Variants in DCAF8 observed in about 807,000 individuals in gnomAD.
DCAF8 encodes DDB1 and CUL4 associated factor 8, also known as DDB1- and CUL4-associated factor 8.
A neutral mutation model predicts 68.0 loss-of-function variants in DCAF8; 20 were observed. The observed-to-expected ratio is 0.29, with a 90% CI of 0.21 to 0.43. DCAF8 has a LOEUF of 0.43. Ranked by LOEUF, DCAF8 falls within the 20% of genes least tolerant of loss-of-function variation. The pLI is 1.00. For missense variants in DCAF8, 460 were observed against 771.0 expected, an observed-to-expected ratio of 0.60 and a Z score of 4.78; for synonymous variants, 230 against 276.9, an observed-to-expected ratio of 0.83 and a Z score of 1.68.
At chr1:160,262,068 G>A (rs1657117103) in intron 1 of DCAF8, 1 of 341,678 alleles carries the variant, frequency 2.9e-6, no homozygotes, top group Non-Finnish European at 5.3e-6. Flanking sequence ...GAAGCAAGGC[G>A]TCCCTGTGAA....
At chr1:160,228,610 CT>C (rs59684865) in intron 7 of DCAF8, among the ~76,000 whole-genome samples, 7,451 of 140,948 alleles carry the variant, frequency 0.053, 176 homozygotes, top group East Asian at 0.095. Context: ...CTCTACTTAC[CT>C]TTTTTTTTTT....
At chr1:160,250,846 CTTTA>C (rs911464924) in intron 2 of DCAF8, among the ~76,000 whole-genome samples, 1 of 152,076 alleles carries the variant, frequency 6.6e-6, no homozygotes, top group Non-Finnish European at 1.5e-5. Context: ...TGTTTATGCT[CTTTA>C]TTTTTTTTAA....
intron 2 of DCAF8, among the ~76,000 whole-genome samples, chr1:160,248,361 A>G (rs1656441911): frequency 6.6e-6 from 1 of 152,150 alleles, no homozygotes; most frequent in Non-Finnish European, 1.5e-5. Flanking sequence ...CAATGCAAAG[A>G]CAAGCTACAG....
At chr1:160,261,241 C>T (rs1571121318) in intron 2 of DCAF8, 44 bp downstream of exon 2, 1 of 152,354 alleles carries the variant, frequency 6.6e-6, no homozygotes, top group East Asian at 1.9e-4. Context: ...TCAGCGCAGT[C>T]TGTCTTGAAC....
chr1:160,254,204 C>A lies in DCAF8; in HGVS notation c.-27+7081G>T, dbSNP rs190275673. ...AGGTATGGTGGTGCATGCCTGTAAT[C>A]CCAGCTACTGGGGAGACTGAGGCAG... is the stretch of plus-strand genomic sequence containing the variant. On this transcript the variant is annotated intron_variant, in intron 2 of 13. Transcript: ENST00000368074. Among the ~76,000 whole-genome samples the A allele has an allele frequency of 2.2e-4, 33 of 152,144 alleles. No homozygotes were observed. In the East Asian group the frequency reaches 5.4e-3, roughly 25 times the overall value.
intron 2 of DCAF8, among the ~76,000 whole-genome samples, chr1:160,247,386 C>T (rs184428063): frequency 5.3e-5 from 8 of 152,236 alleles, no homozygotes; most frequent in African/African-American, 1.9e-4. Flanking sequence ...AATTTTTAAC[C>T]AATTACATGA....
intron 7 of DCAF8, among the ~76,000 whole-genome samples, chr1:160,227,986 C>G (rs766091594): frequency 1.3e-5 from 2 of 152,146 alleles, no homozygotes; most frequent in Non-Finnish European, 1.5e-5. Context: ...CCTCAAACTC[C>G]TGGGCTCAAG....
intron 9 of DCAF8, 24 bp downstream of exon 9, chr1:160,225,038 A>C (rs1396312538): frequency 1.9e-6 from 3 of 1,612,840 alleles, no homozygotes; most frequent in Admixed American, 1.7e-5. Context: ...ATGCCAGCCT[A>C]GGAGCTGGGC....
chr1:160,244,654 G>A (rs184311757), intron 2 of DCAF8, among the ~76,000 whole-genome samples: 4 of 148,544 alleles, frequency 2.7e-5, no homozygotes, highest in Admixed American at 1.3e-4. Context: ...GTCTCATTCT[G>A]TCGCCCAGGC....
At chr1:160,220,743 C>T (rs1655266384) in intron 11 of DCAF8, 1 of 152,216 alleles carries the variant, frequency 6.6e-6, no homozygotes, top group South Asian at 2.1e-4. Context: ...GTCAGGAGAT[C>T]TGGGCAAGGC....
chr1:160,245,954 C>A (rs2101752002), intron 2 of DCAF8, among the ~76,000 whole-genome samples: 1 of 152,192 alleles, frequency 6.6e-6, no homozygotes, highest in South Asian at 2.1e-4. Context: ...GCCTGAGCAA[C>A]ATGGAGAAAC....
rs191884688 is a variant in DCAF8, at chr1:160,255,639, A to G, written c.-27+5646T>C. On this transcript the variant is annotated intron_variant, in intron 2 of 13. Coordinates refer to ENST00000368074, the MANE Select transcript of DCAF8 (RefSeq NM_015726.4). ...TTGTTTTTTTATTTTTATTTTTTTG[A>G]GACAGGGTCTCACTCTGTCACCCAG... Among the ~76,000 whole-genome samples the G allele has an allele frequency of 1.9e-3, 292 of 151,970 alleles. 2 individuals carry two copies. Among genetic ancestry groups the G allele is most frequent in the African/African-American group, 6.9e-3 (286 of 41,428 alleles).
intron 5 of DCAF8, among the ~76,000 whole-genome samples, chr1:160,237,624 T>C (rs1009277369): frequency 3.3e-5 from 5 of 152,112 alleles, no homozygotes; most frequent in Non-Finnish European, 7.4e-5. Flanking sequence ...CCTTGTGGGC[T>C]TAAGTGATCC....
intron 11 of DCAF8, chr1:160,220,984 G>A (rs760052420): frequency 2.0e-5 from 3 of 152,166 alleles, no homozygotes; most frequent in Non-Finnish European, 4.4e-5. Flanking sequence ...AAGGAAATTT[G>A]CTTCAGGGGT....
At chr1:160,229,657 C>G (rs1424665474) in intron 7 of DCAF8, among the ~76,000 whole-genome samples, 1 of 152,162 alleles carries the variant, frequency 6.6e-6, no homozygotes, top group East Asian at 1.9e-4. Context: ...GAATGCTCAA[C>G]TTGGAGGAGG....
chr1:160,218,326 G>T lies in DCAF8; in HGVS notation c.1675C>A (p.Arg559=). ...ATTCATTTCCAACCCTAGCTTACCC[G>T]GTGATGGCGTCTCTGTCTCAGGTGA... ...MHHLRQRRHH[R]RWREPGVGAT... Residue 559 remains arginine (R), a splice_region_variant and synonymous_variant, in exon 13 of 14, where the codon CGG becomes AGG. Coordinates refer to ENST00000368074, the MANE Select transcript of DCAF8 (RefSeq NM_015726.4). The T allele has an allele frequency of 6.2e-7, 1 of 1,612,508 alleles. No individual in the cohort carries two copies.
At position 160,237,206 on chromosome 1, in the gene DCAF8, G is replaced by C. The variant is rs143395129; in HGVS notation, c.888C>G (p.Pro296=). 6.4e-7 allele frequency: 1 copy of C among 1,574,460 alleles called. No homozygotes were observed. Among genetic ancestry groups the C allele is most frequent in the African/African-American group, 1.3e-5 (1 of 74,510 alleles). ...CTTCACCTGCAGATAAGAACGTACA[G>C]GGAGAGTCTGGTTCCAGTGCCAACT... ...SHKLALEPDS[P]CTFLSAGEDA... Residue 296 remains proline (P), a synonymous_variant, in exon 6 of 14, where the codon CCC becomes CCG. Transcript: ENST00000368074.
intron 2 of DCAF8, among the ~76,000 whole-genome samples, chr1:160,245,730 A>G (rs1656299003): frequency 6.6e-6 from 1 of 152,212 alleles, no homozygotes; most frequent in Non-Finnish European, 1.5e-5. Flanking sequence ...TGAGGTAGAC[A>G]GTTTTGTATA....
At chr1:160,238,961 T>C (rs1006942641) in intron 4 of DCAF8, 1 of 610,348 alleles carries the variant, frequency 1.6e-6, no homozygotes, top group Non-Finnish European at 2.5e-6. Flanking sequence ...TAAGAGAGCA[T>C]TTCAGTTGGC....
Sources: gnomAD v4.1 joint callset for allele counts (sites outside exome capture counted in the v4.1 genomes callset) on GRCh38, gnomAD v4.1.1 for gene constraint, MANE v1.5 for transcripts, NCBI Gene and HGNC (gene_info 2026-07-23, HGNC 2026-07-21) for gene names.